MARCHF1: variants seen among roughly 807,000 people sequenced by gnomAD.
MARCHF1 encodes the protein membrane associated ring-CH-type finger 1.
A neutral mutation model predicts 54.2 loss-of-function variants in MARCHF1; 40 were observed. That is an observed-to-expected ratio of 0.74 (90% confidence interval 0.57 to 0.96). MARCHF1 has a LOEUF of 0.96. Among genes scored for constraint, MARCHF1 ranks in the 40% least tolerant of loss-of-function variants. The probability of loss-of-function intolerance (pLI) is 0.00; values close to 1 mark genes in which losing one functional copy is unlikely to be tolerated. For missense variants in MARCHF1, 586 were observed against 656.5 expected, an observed-to-expected ratio of 0.89 and a Z score of 1.17; for synonymous variants, 236 against 236.3, an observed-to-expected ratio of 1.00 and a Z score of 0.01.
At position 164,215,628 on chromosome 4, in the gene MARCHF1, G is replaced by A. The variant is rs944406159; in HGVS notation, c.-322-103966C>T. 1.1e-4 allele frequency among the ~76,000 whole-genome samples: 16 copies of A among 152,164 alleles called. No homozygotes were observed. The East Asian group carries it at 2.9e-3, about 28-fold the overall frequency. The stretch of plus-strand genomic sequence containing the variant: ...CTTCCCTTCCCAGCACATCCGTTCC[G>A]TATCAAAATCACGTCATTGCTTTAA... On this transcript the variant is annotated intron_variant, in intron 1 of 9. Coordinates refer to ENST00000514618, the MANE Select transcript of MARCHF1 (RefSeq NM_001394959.1).
intron 1 of MARCHF1, among the ~76,000 whole-genome samples, chr4:164,239,284 T>C (rs1732657774): frequency 2.6e-5 from 4 of 152,092 alleles, no homozygotes; most frequent in Admixed American, 2.0e-4. Context: ...GTATATTCAC[T>C]TTACAAGAAC....
At chr4:164,039,907 G>A (rs1206862142) in intron 2 of MARCHF1, among the ~76,000 whole-genome samples, 1 of 149,312 alleles carries the variant, frequency 6.7e-6, no homozygotes, top group Non-Finnish European at 1.5e-5. Context: ...AAACAACAAA[G>A]TAAAATAGGC....
At chr4:163,911,904 A>G (rs989674160) in intron 3 of MARCHF1, among the ~76,000 whole-genome samples, 2 of 152,094 alleles carry the variant, frequency 1.3e-5, no homozygotes, top group Non-Finnish European at 2.9e-5. Flanking sequence ...TAAGAAAATA[A>G]AGTTCTGTTG....
chr4:164,027,514 T>A (rs1027091419), intron 2 of MARCHF1, among the ~76,000 whole-genome samples: 5 of 151,914 alleles, frequency 3.3e-5, no homozygotes, highest in African/African-American at 1.2e-4. Context: ...ATTCCTTATT[T>A]AATAAATGGT....
At chr4:164,312,353 G>C (rs1358140589) in intron 1 of MARCHF1, among the ~76,000 whole-genome samples, 6 of 118,978 alleles carry the variant, frequency 5.0e-5, no homozygotes, top group African/African-American at 1.9e-4. Flanking sequence ...GACGCAGTCT[G>C]GCTCTATCGC....
chr4:163,913,704 A>C (rs1385041864), intron 3 of MARCHF1, among the ~76,000 whole-genome samples: 1 of 152,222 alleles, frequency 6.6e-6, no homozygotes, highest in Non-Finnish European at 1.5e-5. Flanking sequence ...TCTTGTTATC[A>C]AACACATGAA....
At chr4:163,682,312 C>G (rs1262431590) in intron 5 of MARCHF1, among the ~76,000 whole-genome samples, 1 of 152,186 alleles carries the variant, frequency 6.6e-6, no homozygotes, top group Non-Finnish European at 1.5e-5. Context: ...AAAGGAAAAA[C>G]CCATTTTCTG....
At chr4:163,956,561 G>A (rs1309993714) in intron 3 of MARCHF1, among the ~76,000 whole-genome samples, 1 of 152,018 alleles carries the variant, frequency 6.6e-6, no homozygotes, top group East Asian at 1.9e-4. Flanking sequence ...ATGATACCAG[G>A]TGGAACATTT....
At position 163,944,828 on chromosome 4, in the gene MARCHF1, T is replaced by C. The variant is rs191191759; in HGVS notation, c.-39+43673A>G. Among the ~76,000 whole-genome samples the C allele has an allele frequency of 5.3e-5, 8 of 152,306 alleles. No homozygotes were observed. In the South Asian group the frequency reaches 8.3e-4, roughly 16 times the overall value. Reference sequence around the variant, plus strand: ...TCAGCCCCATGTCCACAGATATCCATGACAATTTGGTTAATGTGAGTTTTG... The same window carrying C: ...TCAGCCCCATGTCCACAGATATCCACGACAATTTGGTTAATGTGAGTTTTG... On this transcript the variant is annotated intron_variant, in intron 3 of 9. Transcript: ENST00000514618.
At chr4:164,195,660 G>A (rs1731235694) in intron 1 of MARCHF1, among the ~76,000 whole-genome samples, 1 of 152,068 alleles carries the variant, frequency 6.6e-6, no homozygotes, top group Admixed American at 6.6e-5. Context: ...TAAAATAAGG[G>A]AATTTCTAAC....
At chr4:164,350,775 A>T (rs1029953199) in intron 1 of MARCHF1, among the ~76,000 whole-genome samples, 2 of 152,206 alleles carry the variant, frequency 1.3e-5, no homozygotes, top group African/African-American at 4.8e-5. Context: ...ATGGCCGAAT[A>T]GGAACAGCTC....
chr4:164,350,171 T>C (rs1314088157), intron 1 of MARCHF1, among the ~76,000 whole-genome samples: 2 of 152,182 alleles, frequency 1.3e-5, no homozygotes, highest in African/African-American at 4.8e-5. Flanking sequence ...GTCATGGTAT[T>C]GTATACTGAT....
intron 1 of MARCHF1, among the ~76,000 whole-genome samples, chr4:164,326,957 TTGTGTGTGTGTGTGTGTG>T (rs370504086): frequency 9.0e-5 from 12 of 133,716 alleles, no homozygotes; most frequent in South Asian, 2.5e-4. Flanking sequence ...GTTGTAAGGA[TTGTGTGTGTGTGTGTGTG>T]TGTGTGTGTG....
At chr4:163,840,423 T>C (rs1749304324) in intron 4 of MARCHF1, among the ~76,000 whole-genome samples, 3 of 152,130 alleles carry the variant, frequency 2.0e-5, no homozygotes. Context: ...TGGGGGTCCA[T>C]GTGCAAATTT....
At chr4:164,053,445 T>C (rs575532330) in intron 2 of MARCHF1, among the ~76,000 whole-genome samples, 26 of 152,314 alleles carry the variant, frequency 1.7e-4, no homozygotes, top group Non-Finnish European at 2.9e-4. Flanking sequence ...TCTGTGATGC[T>C]AACACACATG....
At chr4:164,080,531 T>C (rs1755072819) in intron 2 of MARCHF1, among the ~76,000 whole-genome samples, 2 of 152,126 alleles carry the variant, frequency 1.3e-5, no homozygotes, top group Admixed American at 1.3e-4. Flanking sequence ...TCTTCAGTCA[T>C]AAATTAATAT....
intron 4 of MARCHF1, among the ~76,000 whole-genome samples, chr4:163,831,578 C>T (rs575513790): frequency 6.7e-6 from 1 of 150,288 alleles, no homozygotes; most frequent in East Asian, 1.9e-4. Flanking sequence ...AGTAAAGCTC[C>T]ATCTGTTAAA....
At chr4:163,554,099 G>A (rs1739204861) in intron 8 of MARCHF1, among the ~76,000 whole-genome samples, 1 of 152,192 alleles carries the variant, frequency 6.6e-6, no homozygotes, top group South Asian at 2.1e-4. Context: ...AGACACACCA[G>A]TTGAGTAAAA....
At chr4:163,556,692 TTG>T (rs1739302587) in intron 8 of MARCHF1, among the ~76,000 whole-genome samples, 1 of 152,056 alleles carries the variant, frequency 6.6e-6, no homozygotes, top group African/African-American at 2.4e-5. Flanking sequence ...CCTGTGAAAC[TTG>T]AAGTATTGGT....
Sources: gnomAD v4.1 joint callset for allele counts (sites outside exome capture counted in the v4.1 genomes callset) on GRCh38, gnomAD v4.1.1 for gene constraint, MANE v1.5 for transcripts, NCBI Gene and HGNC (gene_info 2026-07-23, HGNC 2026-07-21) for gene names.